The following ANTXR1 variants were observed in gnomAD, a reference collection of about 807,000 sequenced individuals.
The protein encoded by ANTXR1 is anthrax toxin receptor 1.
In ANTXR1, 19 loss-of-function variants were observed where a neutral mutation model predicts 78.1. That is an observed-to-expected ratio of 0.24 (90% CI 0.17 to 0.36). The LOEUF (loss-of-function observed/expected upper bound fraction) is 0.36, where lower values mean the gene tolerates loss of function less well. Ranked by LOEUF, ANTXR1 falls within the 10% of genes least tolerant of loss-of-function variation. The pLI, the probability that ANTXR1 is intolerant of heterozygous loss-of-function variation, is 1.00. For synonymous variants in ANTXR1, 273 were observed against 260.5 expected (o/e 1.05, Z -0.46); for missense variants, 518 against 718.6 (o/e 0.72, Z 3.19).
At chr2:69,141,532 G>C (rs372198000) in intron 12 of ANTXR1, among the ~76,000 whole-genome samples, 2 of 152,338 alleles carry the variant, frequency 1.3e-5, no homozygotes, top group East Asian at 3.9e-4. Context: ...AGGAGCACTC[G>C]TGAGTGAGTC....
At chr2:69,083,317 T>C (rs1395707243) in intron 8 of ANTXR1, among the ~76,000 whole-genome samples, 1 of 152,222 alleles carries the variant, frequency 6.6e-6, no homozygotes, top group Non-Finnish European at 1.5e-5. Flanking sequence ...GGGAGGCACA[T>C]TTCAGCAGCA....
chr2:69,115,239 T>TG (rs1672105365), intron 10 of ANTXR1, among the ~76,000 whole-genome samples: 2 of 152,228 alleles, frequency 1.3e-5, no homozygotes, highest in African/African-American at 4.8e-5. Flanking sequence ...TATATTCATG[T>TG]CCAAAGATCC....
chr2:69,075,652 G>T lies in ANTXR1; in HGVS notation c.555G>T (p.Glu185Asp), dbSNP rs371832896. The change falls in exon 7 of 18, where the codon GAG (glutamate) becomes GAT (aspartate). Residue 185 changes from glutamate to aspartate, a missense_variant. By Grantham distance (45) the Glu-to-Asp change is conservative. Around this residue, in one of 5 missense-constraint regions of ANTXR1, gnomAD observed 264 missense variants for 391.8 expected, o/e 0.67. Transcript: ENST00000303714. The part of the protein sequence containing the change: ...VYCVGVKDFN[E>D]TQLARIADSK... ...GTGTTGGTGTGAAAGATTTCAATGA[G>T]ACACAGGTATGGTAATGGATTTCCT... 1.2e-6 allele frequency: 2 copies of T among 1,613,894 alleles called. No homozygotes were observed. Among genetic ancestry groups the T allele is most frequent in the African/African-American group, 2.7e-5 (2 of 74,904 alleles).
intron 17 of ANTXR1, among the ~76,000 whole-genome samples, chr2:69,206,171 G>A (rs1283807489): frequency 7.9e-5 from 12 of 152,192 alleles, no homozygotes. Flanking sequence ...GAATTTGGTT[G>A]CTTCACTGAA....
chr2:69,237,814 A>G (rs1675805083), intron 17 of ANTXR1, among the ~76,000 whole-genome samples: 1 of 152,250 alleles, frequency 6.6e-6, no homozygotes, highest in African/African-American at 2.4e-5. Context: ...ATACATATGT[A>G]GACATGCATA....
chr2:69,131,973 G>T (rs750651750), intron 12 of ANTXR1, among the ~76,000 whole-genome samples: 30 of 152,198 alleles, frequency 2.0e-4, no homozygotes, highest in Admixed American at 2.0e-3. Context: ...CCCTGCCTGG[G>T]GTGCAGACTT....
At chr2:69,200,747 C>CATGTATGT (rs577338101) in intron 17 of ANTXR1, among the ~76,000 whole-genome samples, 70 of 152,078 alleles carry the variant, frequency 4.6e-4, no homozygotes, top group Non-Finnish European at 8.5e-4. Flanking sequence ...TCCAGGAGTT[C>CATGTATGT]ATGTATGTAT....
intron 14 of ANTXR1, among the ~76,000 whole-genome samples, chr2:69,180,665 T>C (rs1178736128): frequency 6.6e-6 from 1 of 152,222 alleles, no homozygotes; most frequent in African/African-American, 2.4e-5. Flanking sequence ...ACCCACCACA[T>C]ACAACATAGT....
At chr2:69,056,963 G>A (rs1351989627) in intron 3 of ANTXR1, among the ~76,000 whole-genome samples, 1 of 152,116 alleles carries the variant, frequency 6.6e-6, no homozygotes, top group African/African-American at 2.4e-5. Context: ...ATAGGCATGA[G>A]CCACCACAAC....
At chr2:69,163,908 A>G (rs1673753123) in intron 13 of ANTXR1, among the ~76,000 whole-genome samples, 1 of 152,216 alleles carries the variant, frequency 6.6e-6, no homozygotes, top group Non-Finnish European at 1.5e-5. Flanking sequence ...TGAAGAACAA[A>G]AGACGAAAAA....
intron 17 of ANTXR1, among the ~76,000 whole-genome samples, chr2:69,220,038 A>T (rs977314307): frequency 1.3e-5 from 2 of 152,228 alleles, no homozygotes; most frequent in Non-Finnish European, 2.9e-5. Context: ...AAACCTGCAG[A>T]GCTAGAGCCA....
chr2:69,032,324 G>A (rs1671552135), intron 1 of ANTXR1, among the ~76,000 whole-genome samples: 2 of 152,124 alleles, frequency 1.3e-5, no homozygotes, highest in Non-Finnish European at 2.9e-5. Flanking sequence ...TGAGCTGTGG[G>A]ATGATGGGTG....
At chr2:69,031,914 G>T (rs189870665) in intron 1 of ANTXR1, among the ~76,000 whole-genome samples, 1 of 152,212 alleles carries the variant, frequency 6.6e-6, no homozygotes, top group Non-Finnish European at 1.5e-5. Flanking sequence ...GCTCCTGCCA[G>T]ATGGATGTCT....
At chr2:69,018,781 G>A (rs1671101157) in intron 1 of ANTXR1, among the ~76,000 whole-genome samples, 1 of 152,176 alleles carries the variant, frequency 6.6e-6, no homozygotes, top group Admixed American at 6.5e-5. Flanking sequence ...TGTAGAGTTG[G>A]GCCATAATGA....
intron 9 of ANTXR1, among the ~76,000 whole-genome samples, chr2:69,096,612 G>A (rs761840976): frequency 6.6e-6 from 1 of 151,944 alleles, no homozygotes; most frequent in Non-Finnish European, 1.5e-5. Flanking sequence ...TAAACTGGCA[G>A]CCTACAAGTC....
chr2:69,089,799 C>G (rs1671169635), intron 8 of ANTXR1, among the ~76,000 whole-genome samples: 1 of 152,206 alleles, frequency 6.6e-6, no homozygotes. Flanking sequence ...TTTCCTTCAG[C>G]CCTCTAAACC....
chr2:69,105,449 A>G (rs1387228845), intron 10 of ANTXR1, among the ~76,000 whole-genome samples: 1 of 152,242 alleles, frequency 6.6e-6, no homozygotes, highest in Admixed American at 6.5e-5. Context: ...TCTAAGGGGA[A>G]AAATAGCGTT....
At chr2:69,231,338 A>G (rs1207863665) in intron 17 of ANTXR1, among the ~76,000 whole-genome samples, 1 of 152,190 alleles carries the variant, frequency 6.6e-6, no homozygotes, top group African/African-American at 2.4e-5. Flanking sequence ...CTTGGGTTCC[A>G]GTGGCATAAA....
chr2:69,161,028 C>T (rs1194104738), intron 13 of ANTXR1, among the ~76,000 whole-genome samples: 1 of 152,230 alleles, frequency 6.6e-6, no homozygotes, highest in African/African-American at 2.4e-5. Context: ...TCAACTCACC[C>T]TTGTTCCTTC....
Sources: gnomAD v4.1 joint callset for allele counts (sites outside exome capture counted in the v4.1 genomes callset) on GRCh38, gnomAD v4.1.1 for gene constraint, gnomAD v4.1.1 regional missense constraint, MANE v1.5 for transcripts, NCBI Gene and HGNC (gene_info 2026-07-23, HGNC 2026-07-21) for gene names.